Variants in CD226 observed in about 807,000 individuals in gnomAD.
CD226 encodes CD226 molecule.
In CD226, 24 loss-of-function variants were observed where a neutral mutation model predicts 34.9. That is an observed-to-expected ratio of 0.69 (90% CI 0.50 to 0.97). The LOEUF (loss-of-function observed/expected upper bound fraction) is 0.97, where lower values mean the gene tolerates loss of function less well. Ranked by LOEUF, CD226 falls within the 50% of genes least tolerant of loss-of-function variation. The probability of loss-of-function intolerance (pLI) is 0.00; values close to 1 mark genes in which losing one functional copy is unlikely to be tolerated. For synonymous variants in CD226, 148 were observed against 147.4 expected, an observed-to-expected ratio of 1.00 and a Z score of -0.03; for missense variants, 397 against 412.7, an observed-to-expected ratio of 0.96 and a Z score of 0.33.
At chr18:69,895,271 C>T (rs1272596408) in intron 3 of CD226, among the ~76,000 whole-genome samples, 2 of 152,200 alleles carry the variant, frequency 1.3e-5, no homozygotes, top group East Asian at 1.9e-4. Flanking sequence ...ATGCACTCAA[C>T]GCAGCCCTGC....
intron 1 of CD226, among the ~76,000 whole-genome samples, chr18:69,955,488 C>T (rs1164268795): frequency 6.6e-6 from 1 of 152,148 alleles, no homozygotes; most frequent in African/African-American, 2.4e-5. Flanking sequence ...AGGTCGTTTG[C>T]TCCCTCCACT....
intron 2 of CD226, 28 bp from the exon 3 acceptor site, chr18:69,896,073 A>C (rs1630425): frequency 0.99 from 1,578,586 of 1,588,294 alleles, 784,963 homozygotes; most frequent in East Asian, 1. Flanking sequence ...ATGATTAGAT[A>C]CAGGTTGTCA....
chr18:69,952,082 T>C (rs1431081549), upstream of CD226, among the ~76,000 whole-genome samples: 2 of 152,194 alleles, frequency 1.3e-5, no homozygotes, highest in Admixed American at 6.5e-5. Context: ...CACAATGGAA[T>C]ACTACACAGC....
At chr18:69,895,024 C>T (rs1396621879) in intron 3 of CD226, among the ~76,000 whole-genome samples, 5 of 152,054 alleles carry the variant, frequency 3.3e-5, no homozygotes, top group Admixed American at 3.3e-4. Context: ...TTCACCAGCA[C>T]AAAGATTATA....
intron 2 of CD226, among the ~76,000 whole-genome samples, chr18:69,923,054 A>T (rs1314025264): frequency 6.6e-6 from 1 of 151,894 alleles, no homozygotes; most frequent in South Asian, 2.1e-4. Context: ...AATGGCTTGA[A>T]CCCAAGAGGC....
intron 2 of CD226, among the ~76,000 whole-genome samples, chr18:69,903,621 C>T (rs777719797): frequency 1.3e-5 from 2 of 151,950 alleles, no homozygotes; most frequent in Non-Finnish European, 2.9e-5. Flanking sequence ...TCCAATATGA[C>T]CGTGTCCTTA....
At chr18:69,890,498 G>A (rs1329806687) in intron 3 of CD226, among the ~76,000 whole-genome samples, 4 of 152,066 alleles carry the variant, frequency 2.6e-5, no homozygotes, top group African/African-American at 4.8e-5. Context: ...AAGTTAATAA[G>A]TCACTCGAGG....
intron 4 of CD226, among the ~76,000 whole-genome samples, chr18:69,869,029 A>T (rs1983334860): frequency 1.3e-5 from 2 of 152,244 alleles, no homozygotes; most frequent in African/African-American, 4.8e-5. Flanking sequence ...GTTGTGGAGG[A>T]AAAAGAACAC....
chr18:69,870,642 T>C (rs1460589852), intron 4 of CD226, among the ~76,000 whole-genome samples: 3 of 152,190 alleles, frequency 2.0e-5, no homozygotes, highest in Non-Finnish European at 4.4e-5. Context: ...TTAGTCGTGT[T>C]ACTGTTGCTA....
chr18:69,937,913 C>T (rs539147610), intron 2 of CD226, among the ~76,000 whole-genome samples: 1 of 152,292 alleles, frequency 6.6e-6, no homozygotes, highest in African/African-American at 2.4e-5. Flanking sequence ...TTTAGTGCCA[C>T]TAACCAGCAG....
Position 69,873,189 on chromosome 18 carries a change from A to T in CD226, c.785T>A (p.Leu262Ter). The stretch of plus-strand genomic sequence containing the variant: ...GATGGTGGTAATTGAGATAACAAAC[A>T]ACAACAATAAAACTGTCCCTCCAGC... ...FVAGGTVLLLLFVISITTIIV... is the reference protein window; with the variant it reads ...FVAGGTVLLL Residue 262 changes from leucine to a stop codon, truncating the protein, a stop_gained, in exon 4 of 6, where the codon TTG (leucine) becomes TAG (stop). Transcript: ENST00000582621. LOFTEE classifies it high-confidence loss of function. The T allele has an allele frequency of 6.2e-7, 1 of 1,611,578 alleles. No homozygotes were observed. Among genetic ancestry groups the T allele is most frequent in the Non-Finnish European group, 8.5e-7 (1 of 1,177,790 alleles).
intron 2 of CD226, among the ~76,000 whole-genome samples, chr18:69,923,870 C>T (rs2055486643): frequency 6.6e-6 from 1 of 151,012 alleles, no homozygotes; most frequent in Non-Finnish European, 1.5e-5. Context: ...AGGAGAATGG[C>T]ATGAACCCAG....
intron 1 of CD226, among the ~76,000 whole-genome samples, chr18:69,953,038 C>T (rs285216): frequency 0.99 from 151,219 of 152,332 alleles, 75,065 homozygotes; most frequent in East Asian, 1. Flanking sequence ...CTAGGATGGA[C>T]ATAATCAAAA....
intron 3 of CD226, among the ~76,000 whole-genome samples, chr18:69,879,382 C>T (rs555366946): frequency 6.6e-6 from 1 of 152,196 alleles, no homozygotes; most frequent in African/African-American, 2.4e-5. Context: ...GAGGGCTCTC[C>T]TCCCCCCAGG....
chr18:69,951,691 T>TA (rs2055855487), upstream of CD226, among the ~76,000 whole-genome samples: 1 of 152,188 alleles, frequency 6.6e-6, no homozygotes, highest in Non-Finnish European at 1.5e-5. Context: ...AAAACTGTAG[T>TA]ACACAGCTAC....
Position 69,946,753 on chromosome 18 carries a change from C to T in CD226, c.363G>A (p.Val121=). The change falls in exon 2 of 6, where the codon GTG becomes GTA. Residue 121 remains valine (V), a synonymous_variant. Transcript: ENST00000582621. The part of the protein sequence containing the change: ...YTYPQGTWQK[V]IQVVQSDSFE... ...CCTTACCTGACTGAACCACCTGTAT[C>T]ACCTTCTGCCAAGTTCCCTGTGGGT... The T allele has an allele frequency of 6.2e-7, 1 of 1,611,862 alleles. No homozygotes were observed. The highest frequency in any genetic ancestry group is 8.5e-7 in the Non-Finnish European group (1 of 1,178,914).
chr18:69,892,359 T>G (rs34072321), intron 3 of CD226, among the ~76,000 whole-genome samples: 61 of 152,196 alleles, frequency 4.0e-4, no homozygotes, highest in Non-Finnish European at 7.9e-4. Flanking sequence ...ACTTCTCTTA[T>G]GACAAATGAA....
intron 2 of CD226, among the ~76,000 whole-genome samples, chr18:69,906,483 CA>C (rs2055254810): frequency 6.6e-6 from 1 of 151,968 alleles, no homozygotes; most frequent in Non-Finnish European, 1.5e-5. Context: ...AAGGAGAACA[CA>C]AGGTCCTCTG....
chr18:69,951,176 G>A (rs2055851199), upstream of CD226, among the ~76,000 whole-genome samples: 1 of 151,640 alleles, frequency 6.6e-6, no homozygotes, highest in African/African-American at 2.4e-5. Context: ...TTGCTACATT[G>A]CCAAGGCTTG....
Sources: allele counts gnomAD v4.1 joint callset (sites outside exome capture counted in the v4.1 genomes callset), GRCh38; gene constraint gnomAD v4.1.1; transcripts MANE v1.5; gene names NCBI Gene and HGNC (gene_info 2026-07-23, HGNC 2026-07-21).